ANKRD33B: variants seen among roughly 807,000 people sequenced by gnomAD.
ANKRD33B encodes the protein ankyrin repeat domain 33B, also known as ankyrin repeat domain-containing protein 33B.
A neutral mutation model predicts 21.5 loss-of-function variants in ANKRD33B; 6 were observed. The observed-to-expected ratio is 0.28, with a 90% confidence interval of 0.15 to 0.55. The LOEUF is 0.55. Ranked by LOEUF, ANKRD33B falls within the 20% of genes least tolerant of loss-of-function variation. The pLI is 0.94. For synonymous variants in ANKRD33B, 347 were observed against 342.4 expected, an observed-to-expected ratio of 1.01 and a Z score of -0.15; for missense variants, 698 against 747.2, an observed-to-expected ratio of 0.93 and a Z score of 0.77.
chr5:10,644,243 A>G (rs754208860), intron 3 of ANKRD33B, among the ~76,000 whole-genome samples: 1 of 152,196 alleles, frequency 6.6e-6, no homozygotes, highest in Non-Finnish European at 1.5e-5. Context: ...AGGCTGATCG[A>G]TTGCATCTTT....
chr5:10,648,485 C>T (rs207465559), intron 3 of ANKRD33B, among the ~76,000 whole-genome samples: 1 of 152,236 alleles, frequency 6.6e-6, no homozygotes, highest in East Asian at 1.9e-4. Context: ...TTTGGCCAGG[C>T]GCAGTGGCTC....
chr5:10,574,421 C>T (rs1307288820), intron 1 of ANKRD33B, among the ~76,000 whole-genome samples: 1 of 151,682 alleles, frequency 6.6e-6, no homozygotes, highest in African/African-American at 2.4e-5. Flanking sequence ...CTAGATCTAA[C>T]ACAATTCTAA....
Position 10,616,282 on chromosome 5 carries a change from A to G in ANKRD33B, c.367-2051A>G, listed in dbSNP as rs527589925. Among the ~76,000 whole-genome samples, 22 of 152,230 alleles carry G rather than the reference A, an allele frequency of 1.4e-4. 1 individual carries two copies. The South Asian group carries it at 4.1e-3, about 29-fold the overall frequency. The stretch of plus-strand genomic sequence containing the variant: ...ATGAAAAATTATATTCTTACTAAAA[A>G]TTGGCCGGGTGTGTTGGCTCACGCC... On this transcript the variant is annotated intron_variant, in intron 1 of 3. Transcript: ENST00000296657.
chr5:10,578,014 T>G lies in ANKRD33B; in HGVS notation c.366+13181T>G, dbSNP rs374979416. 2.7e-3 allele frequency among the ~76,000 whole-genome samples: 408 copies of G among 152,302 alleles called. 1 individual carries two copies. Among genetic ancestry groups the G allele is most frequent in the Middle Eastern group, 6.8e-3 (2 of 294 alleles). On this transcript the variant is annotated intron_variant, in intron 1 of 3. Coordinates refer to ENST00000296657, the MANE Select transcript of ANKRD33B (RefSeq NM_001164440.2). ...AAGCTGGCACAGCCTGTGAGGGGCC[T>G]TCAGGAGTGGGGAAAGGGGCAGTGC...
rs183646540 is a variant in ANKRD33B, at chr5:10,598,608, T to A, written c.367-19725T>A. Among the ~76,000 whole-genome samples, 1,071 of 152,194 alleles carry A rather than the reference T, an allele frequency of 7.0e-3. 11 individuals carry two copies. Among genetic ancestry groups the A allele is most frequent in the African/African-American group, 0.021 (880 of 41,520 alleles). On this transcript the variant is annotated intron_variant, in intron 1 of 3. Coordinates refer to ENST00000296657, the MANE Select transcript of ANKRD33B (RefSeq NM_001164440.2). ...TTTGTTTTGCTTTTAATTAAAAAAA[T>A]TTTTTTTAATGTTTAGAGACAGAGT...
intron 1 of ANKRD33B, among the ~76,000 whole-genome samples, chr5:10,570,225 T>A (rs2126543502): frequency 6.6e-6 from 1 of 152,326 alleles, no homozygotes; most frequent in Middle Eastern, 3.4e-3. Context: ...GCCACAATCA[T>A]GCTGCCTACC....
chr5:10,620,616 C>A (rs1736400336), intron 2 of ANKRD33B, among the ~76,000 whole-genome samples: 1 of 152,190 alleles, frequency 6.6e-6, no homozygotes, highest in South Asian at 2.1e-4. Flanking sequence ...CCATGAGGTG[C>A]TTTCCAGAGT....
Position 10,619,591 on chromosome 5 carries a change from G to A in ANKRD33B, c.496+1129G>A, listed in dbSNP as rs183229527. On this transcript the variant is annotated intron_variant, in intron 2 of 3. Transcript: ENST00000296657. The surrounding 1 kb of genome is among the most constrained non-coding windows in gnomAD (Gnocchi z 4.5). ...ACTTTTCAATCAAGACGAATAGAGT[G>A]GGGGAACTCTTCAAACTTAGAAAGG... is the stretch of plus-strand genomic sequence containing the variant. Among the ~76,000 whole-genome samples the A allele has an allele frequency of 5.3e-5, 8 of 152,276 alleles. No homozygotes were observed. Among genetic ancestry groups the A allele is most frequent in the Non-Finnish European group, 1.2e-4 (8 of 68,022 alleles).
In ANKRD33B at chr5:10,654,956, G is replaced by A. The variant is rs769472702; in HGVS notation, c.*4843G>A. ...CCTTGGCCGCACTTGGGAACATCGT[G>A]GACATCTTCCTTCCTCTCAGGCTCC... On this transcript the variant is annotated 3_prime_UTR_variant, in exon 4 of 4. Coordinates refer to ENST00000296657, the MANE Select transcript of ANKRD33B (RefSeq NM_001164440.2). 6.6e-6 allele frequency: 1 copy of A among 152,454 alleles called. No homozygotes were observed. Among genetic ancestry groups the A allele is most frequent in the Non-Finnish European group, 1.5e-5 (1 of 68,104 alleles). The allele number at this position is 152,454 out of a possible 1,614,324, so 9.4% of individuals were successfully genotyped here.
chr5:10,650,221 A>T lies in ANKRD33B; in HGVS notation c.*108A>T. ...TTGCGCATCGCACCACTTCCGCTCC[A>T]TGGACCACGGGGCTGCGCGCATTTC... On this transcript the variant is annotated 3_prime_UTR_variant, in exon 4 of 4. Coordinates refer to ENST00000296657, the MANE Select transcript of ANKRD33B (RefSeq NM_001164440.2). The T allele has an allele frequency of 8.3e-7, 1 of 1,209,676 alleles. No individual in the cohort carries two copies. The highest frequency in any genetic ancestry group is 1.1e-6 in the Non-Finnish European group (1 of 923,110). 74.9% of individuals were successfully genotyped at this position (1,209,676 alleles called of 1,614,324 possible). A position where few individuals can be genotyped will look rare whatever the true frequency, so the allele number is the denominator to read the frequency against.
chr5:10,629,826 G>A (rs189116909), intron 2 of ANKRD33B, among the ~76,000 whole-genome samples: 1 of 152,300 alleles, frequency 6.6e-6, no homozygotes, highest in East Asian at 1.9e-4. Flanking sequence ...TGGAAAGAGC[G>A]TGTTTCAGAA....
In ANKRD33B at chr5:10,650,058, G is replaced by C; in HGVS notation, c.1430G>C (p.Arg477Pro). The part of the protein sequence containing the change: ...KRKAEEAEKK[R>P]QAEAQKERRT... ...AAGGCAGAGGAGGCCGAAAAGAAGCGCCAGGCCGAGGCGCAGAAGGAGAGG... is the reference window on the plus strand; with the variant it reads ...AAGGCAGAGGAGGCCGAAAAGAAGCCCCAGGCCGAGGCGCAGAAGGAGAGG... The change falls in exon 4 of 4, where the codon CGC becomes CCC. Residue 477 changes from arginine (R) to proline (P), a missense_variant. Transcript: ENST00000296657. 6.5e-7 allele frequency: 1 copy of C among 1,530,740 alleles called. No individual in the cohort carries two copies. The allele number at this position is 1,530,740 out of a possible 1,614,324, so 94.8% of individuals were successfully genotyped here. A position where few individuals can be genotyped will look rare whatever the true frequency, so the allele number is the denominator to read the frequency against.
chr5:10,590,569 T>G (rs1390879632), intron 1 of ANKRD33B, among the ~76,000 whole-genome samples: 1 of 150,898 alleles, frequency 6.6e-6, no homozygotes, highest in Non-Finnish European at 1.5e-5. Context: ...ATTTGTAGAC[T>G]TTCTTAAAAT....
At chr5:10,649,135 T>G in intron 3 of ANKRD33B, 131 bp from the exon 4 acceptor site, 1 of 1,413,152 alleles carries the variant, frequency 7.1e-7, no homozygotes, top group Non-Finnish European at 9.2e-7. Flanking sequence ...GTGAACTAGG[T>G]GCAGTCTGTT....
intron 1 of ANKRD33B, among the ~76,000 whole-genome samples, chr5:10,586,540 G>T (rs1735566738): frequency 6.9e-6 from 1 of 145,926 alleles, no homozygotes; most frequent in African/African-American, 2.5e-5. Flanking sequence ...TGTGTATACT[G>T]CTTTCTTCTC....
chr5:10,575,237 A>G (rs1735293089), intron 1 of ANKRD33B, among the ~76,000 whole-genome samples: 1 of 151,966 alleles, frequency 6.6e-6, no homozygotes, highest in African/African-American at 2.4e-5. Context: ...GTCCTGGCCA[A>G]CATGGTGAAA....
intron 1 of ANKRD33B, 133 bp downstream of exon 1, chr5:10,564,966 T>A: frequency 8.0e-7 from 1 of 1,252,312 alleles, no homozygotes; most frequent in Non-Finnish European, 1.1e-6. Flanking sequence ...CCAGAGCGCC[T>A]TTTCCCCGCT....
At chr5:10,591,463 TC>T (rs1735689100) in intron 1 of ANKRD33B, among the ~76,000 whole-genome samples, 1 of 152,130 alleles carries the variant, frequency 6.6e-6, no homozygotes, top group Non-Finnish European at 1.5e-5. Context: ...CAGAGTGCTG[TC>T]CCGCACCGAG....
chr5:10,598,342 T>C (rs1290170243), intron 1 of ANKRD33B, among the ~76,000 whole-genome samples: 1 of 152,156 alleles, frequency 6.6e-6, no homozygotes, highest in East Asian at 1.9e-4. Context: ...TCTCGGCTCA[T>C]GGCAACCTCT....
Sources: gnomAD v4.1 joint callset for allele counts (sites outside exome capture counted in the v4.1 genomes callset) on GRCh38, gnomAD v4.1.1 for gene constraint, Gnocchi (gnomAD v3.1) non-coding constraint, MANE v1.5 for transcripts, NCBI Gene and HGNC (gene_info 2026-07-23, HGNC 2026-07-21) for gene names.